MACROD2: variants seen among roughly 807,000 people sequenced by gnomAD.
The protein encoded by MACROD2 is ADP-ribose glycohydrolase MACROD2.
MACROD2 carries 36 observed loss-of-function variants against 70.4 expected under a neutral mutation model. The ratio of observed to expected loss-of-function variants is 0.51; its 90% CI spans 0.39 to 0.68. The LOEUF (loss-of-function observed/expected upper bound fraction) is 0.68, where lower values mean the gene tolerates loss of function less well. Among genes scored for constraint, MACROD2 ranks in the 30% least tolerant of loss-of-function variants. The pLI, the probability that MACROD2 is intolerant of heterozygous loss-of-function variation, is 0.00. For synonymous variants in MACROD2, 172 were observed against 178.8 expected (o/e 0.96, Z 0.30); for missense variants, 496 against 538.4 (o/e 0.92, Z 0.78).
At chr20:15,420,047 C>G (rs2046206830) in intron 6 of MACROD2, among the ~76,000 whole-genome samples, 1 of 152,178 alleles carries the variant, frequency 6.6e-6, no homozygotes, top group African/African-American at 2.4e-5. Flanking sequence ...TTGGGTCCAG[C>G]AGGTTTATGG....
At chr20:14,964,845 G>A (rs1033047439) in intron 5 of MACROD2, among the ~76,000 whole-genome samples, 4 of 152,172 alleles carry the variant, frequency 2.6e-5, no homozygotes, top group African/African-American at 7.2e-5. Flanking sequence ...TCACTTCTCT[G>A]CTAAGATGAA....
chr20:15,354,468 T>G (rs2078264122), intron 6 of MACROD2, among the ~76,000 whole-genome samples: 1 of 152,160 alleles, frequency 6.6e-6, no homozygotes, highest in Non-Finnish European at 1.5e-5. Flanking sequence ...ACCTGCACAT[T>G]GTGCACATGT....
intron 6 of MACROD2, among the ~76,000 whole-genome samples, chr20:15,422,390 T>C (rs2046241677): frequency 6.6e-6 from 1 of 152,180 alleles, no homozygotes; most frequent in South Asian, 2.1e-4. Flanking sequence ...TGTTTTAGCC[T>C]TGTATTCATG....
rs537959147 is a variant in MACROD2 at position 15,747,854 on chromosome 20, G to A, written c.646-114891G>A. Among the ~76,000 whole-genome samples the A allele has an allele frequency of 2.0e-5, 3 of 152,132 alleles. No homozygotes were observed. The South Asian group carries it at 6.2e-4, about 32-fold the overall frequency. On this transcript the variant is annotated intron_variant, in intron 8 of 17. Coordinates refer to ENST00000684519, the MANE Select transcript of MACROD2 (RefSeq NM_001351661.2). The stretch of plus-strand genomic sequence containing the variant: ...AGTGTTGAAAAAGAGTGGTGAGAGG[G>A]GCCATCTTTGCCTTCTTGACATTAG...
intron 8 of MACROD2, among the ~76,000 whole-genome samples, chr20:15,858,401 C>G (rs1468205943): frequency 6.6e-6 from 1 of 152,152 alleles, no homozygotes; most frequent in East Asian, 1.9e-4. Flanking sequence ...TTGTACAAGT[C>G]AGATTTCCAA....
At chr20:14,808,798 A>T (rs2072672224) in intron 5 of MACROD2, among the ~76,000 whole-genome samples, 1 of 152,006 alleles carries the variant, frequency 6.6e-6, no homozygotes, top group Admixed American at 6.6e-5. Flanking sequence ...CCAGTTTCTG[A>T]TAAAAGAGAC....
chr20:15,519,976 A>T (rs2047630199), intron 8 of MACROD2, among the ~76,000 whole-genome samples: 1 of 152,234 alleles, frequency 6.6e-6, no homozygotes, highest in Non-Finnish European at 1.5e-5. Context: ...CTAGAACTCC[A>T]TGCGATGCAG....
At chr20:14,702,538 CAT>C (rs1208979885) in intron 5 of MACROD2, among the ~76,000 whole-genome samples, 6 of 144,444 alleles carry the variant, frequency 4.2e-5, no homozygotes, top group Admixed American at 2.8e-4. Flanking sequence ...CTAAACATTA[CAT>C]ATGTGTGTGT....
chr20:14,965,411 A>G (rs192096283), intron 5 of MACROD2, among the ~76,000 whole-genome samples: 88 of 150,112 alleles, frequency 5.9e-4, no homozygotes, highest in African/African-American at 2.0e-3. Flanking sequence ...TCCATATTCT[A>G]ATTGTTTCCA....
chr20:14,712,920 G>A (rs2071354723), intron 5 of MACROD2, among the ~76,000 whole-genome samples: 1 of 152,102 alleles, frequency 6.6e-6, no homozygotes, highest in African/African-American at 2.4e-5. Flanking sequence ...TGAAAAGACT[G>A]TCAATAGTGG....
intron 5 of MACROD2, among the ~76,000 whole-genome samples, chr20:14,825,585 G>A (rs980222012): frequency 6.6e-6 from 1 of 152,056 alleles, no homozygotes; most frequent in Non-Finnish European, 1.5e-5. Context: ...CATCAAGATT[G>A]TTCTTTTCCT....
At chr20:15,633,899 C>G (rs1029374569) in intron 8 of MACROD2, among the ~76,000 whole-genome samples, 3 of 152,050 alleles carry the variant, frequency 2.0e-5, no homozygotes, top group South Asian at 4.2e-4. Flanking sequence ...TTTGCATCTC[C>G]GATGAGTTAG....
intron 8 of MACROD2, among the ~76,000 whole-genome samples, chr20:15,795,564 T>C (rs990005949): frequency 6.6e-6 from 1 of 152,140 alleles, no homozygotes; most frequent in East Asian, 1.9e-4. Context: ...ACACTTTCTC[T>C]TGTAATTTGA....
intron 6 of MACROD2, among the ~76,000 whole-genome samples, chr20:15,252,566 T>C (rs183165190): frequency 3.1e-4 from 47 of 152,296 alleles, no homozygotes; most frequent in Non-Finnish European, 5.9e-4. Flanking sequence ...GAAGAAGTCA[T>C]TCGGCCATAC....
intron 3 of MACROD2, among the ~76,000 whole-genome samples, chr20:14,489,219 A>G (rs192449837): frequency 3.5e-4 from 53 of 152,294 alleles, no homozygotes; most frequent in African/African-American, 1.3e-3. Flanking sequence ...ATTGCCCAAA[A>G]TCTCCACCAT....
At position 14,392,017 on chromosome 20, in the gene MACROD2, A is replaced by T. The variant is rs542865468; in HGVS notation, c.272-101462A>T. 8.6e-5 allele frequency among the ~76,000 whole-genome samples: 13 copies of T among 151,976 alleles called. No individual in the cohort carries two copies. The South Asian group carries it at 2.5e-3, about 29-fold the overall frequency. On this transcript the variant is annotated intron_variant, in intron 3 of 17. Coordinates refer to ENST00000684519, the MANE Select transcript of MACROD2 (RefSeq NM_001351661.2). Reference sequence around the variant, plus strand: ...AAAAATTAAGTTTTCTGCCTTAGGAATGCGACTTCTTTTTTTTTCAAAGTA... The same window carrying T: ...AAAAATTAAGTTTTCTGCCTTAGGATTGCGACTTCTTTTTTTTTCAAAGTA...
intron 6 of MACROD2, among the ~76,000 whole-genome samples, chr20:15,340,122 CTTTCTTTCTTTTTTTTTT>C (rs1312264597): frequency 4.9e-5 from 4 of 81,880 alleles, no homozygotes; most frequent in Non-Finnish European, 9.5e-5. Context: ...TTCTTTCTTT[CTTTCTTTCTTTTTTTTTT>C]TTTTTTTTTT....
intron 5 of MACROD2, among the ~76,000 whole-genome samples, chr20:14,863,347 G>A (rs973613464): frequency 4.6e-5 from 7 of 152,110 alleles, no homozygotes; most frequent in African/African-American, 1.7e-4. Flanking sequence ...ACTGATACAG[G>A]CCACTTCCAG....
chr20:15,134,402 G>A (rs1380008469), intron 5 of MACROD2, among the ~76,000 whole-genome samples: 1 of 151,712 alleles, frequency 6.6e-6, no homozygotes, highest in Admixed American at 6.6e-5. Context: ...TAGAACTCAG[G>A]ATTAAGAAAC....
Sources: allele counts gnomAD v4.1 joint callset (sites outside exome capture counted in the v4.1 genomes callset), GRCh38; gene constraint gnomAD v4.1.1; transcripts MANE v1.5; gene names NCBI Gene and HGNC (gene_info 2026-07-23, HGNC 2026-07-21).